Variants in PCLO observed in about 807,000 individuals in gnomAD.
PCLO encodes piccolo presynaptic cytomatrix protein.
Under a neutral mutation model 427.5 loss-of-function variants are expected in PCLO, and 82 were observed. The ratio of observed to expected loss-of-function variants is 0.19; its 90% confidence interval spans 0.16 to 0.23. The LOEUF (loss-of-function observed/expected upper bound fraction) is 0.23. PCLO is among the 10% of genes least tolerant of loss of function. The pLI, the probability that PCLO is intolerant of heterozygous loss-of-function variation, is 1.00. For missense variants in PCLO, 6,239 were observed against 6,115.9 expected (o/e 1.02, Z -0.67); for synonymous variants, 2,357 against 2,155.4 (o/e 1.09, Z -2.59).
At chr7:82,834,211 T>C (rs886619145) in intron 16 of PCLO, among the ~76,000 whole-genome samples, 1 of 152,156 alleles carries the variant, frequency 6.6e-6, no homozygotes, top group Non-Finnish European at 1.5e-5. Flanking sequence ...AGTTTCTATA[T>C]ATAAAAGATA....
At chr7:82,879,566 A>C in intron 9 of PCLO, 104 bp from the exon 10 acceptor site, 2 of 736,418 alleles carry the variant, frequency 2.7e-6, no homozygotes, top group South Asian at 4.1e-5. Context: ...CCAGAAGCTA[A>C]ATATAACATG....
chr7:83,094,929 T>C (rs1054990028), intron 3 of PCLO, among the ~76,000 whole-genome samples: 1 of 152,216 alleles, frequency 6.6e-6, no homozygotes, highest in African/African-American at 2.4e-5. Flanking sequence ...AATTTTCTTA[T>C]ATTTGTACCG....
intron 10 of PCLO, among the ~76,000 whole-genome samples, chr7:82,877,513 AG>A (rs763808639): frequency 1.3e-5 from 2 of 152,110 alleles, no homozygotes; most frequent in African/African-American, 2.4e-5. Flanking sequence ...TGGGCGTGAA[AG>A]GGTTATAGTC....
In PCLO at chr7:82,952,730, A is replaced by G. The variant is rs781356495; in HGVS notation, c.8223T>C (p.Thr2741=). 4 of 1,613,674 alleles carry G rather than the reference A, an allele frequency of 2.5e-6. No homozygotes were observed. The South Asian group carries it at 3.3e-5, about 13-fold the overall frequency. Residue 2741 remains threonine (T), a synonymous_variant, in exon 5 of 25, where the codon ACT becomes ACC. Transcript: ENST00000333891. ...RTVPKVEVKT[T]DKCIDLSAST... ...AAGCAGAAAGATCAATACATTTATCAGTTGTTTTAACTTCTACCTTTGGTA... is the reference window on the plus strand; with the variant it reads ...AAGCAGAAAGATCAATACATTTATCGGTTGTTTTAACTTCTACCTTTGGTA...
At chr7:83,059,357 A>AAT (rs752009069) in intron 3 of PCLO, among the ~76,000 whole-genome samples, 2,299 of 111,772 alleles carry the variant, frequency 0.021, 61 homozygotes, top group East Asian at 0.057. Flanking sequence ...ACACCTTTAA[A>AAT]ATATATATAT....
intron 3 of PCLO, among the ~76,000 whole-genome samples, chr7:82,980,629 T>A (rs1475741140): frequency 6.6e-6 from 1 of 152,158 alleles, no homozygotes; most frequent in East Asian, 1.9e-4. Context: ...CCATTTAGCA[T>A]GGAACTTCCT....
chr7:82,844,603 G>A (rs1792452214), intron 13 of PCLO, among the ~76,000 whole-genome samples: 1 of 151,994 alleles, frequency 6.6e-6, no homozygotes, highest in South Asian at 2.1e-4. Flanking sequence ...TTTTTCGCAT[G>A]TATTTATCAA....
chr7:82,785,983 G>C (rs1790976202), intron 22 of PCLO, among the ~76,000 whole-genome samples: 1 of 152,126 alleles, frequency 6.6e-6, no homozygotes, highest in African/African-American at 2.4e-5. Context: ...ATGCTAGAGA[G>C]TGACAAAGTC....
At chr7:82,826,750 C>A in intron 17 of PCLO, 90 bp from the exon 18 acceptor site, 1 of 662,734 alleles carries the variant, frequency 1.5e-6, no homozygotes, top group Non-Finnish European at 2.4e-6. Context: ...TATTTTTTTC[C>A]TTAAACTCCT....
chr7:82,805,354 G>C (rs568850472), intron 21 of PCLO, among the ~76,000 whole-genome samples: 2 of 152,232 alleles, frequency 1.3e-5, no homozygotes, highest in South Asian at 4.1e-4. Context: ...TCAAATACCA[G>C]TAATGTTTGT....
intron 2 of PCLO, among the ~76,000 whole-genome samples, chr7:83,152,663 A>G (rs993859952): frequency 1.3e-5 from 2 of 152,128 alleles, no homozygotes; most frequent in Admixed American, 6.5e-5. Flanking sequence ...TTCATGTCCT[A>G]TATCTATTGA....
chr7:82,917,889 T>C (rs1169434611), intron 6 of PCLO, among the ~76,000 whole-genome samples: 1 of 151,998 alleles, frequency 6.6e-6, no homozygotes, highest in African/African-American at 2.4e-5. Flanking sequence ...CCTTATTAAT[T>C]AGATCACATT....
chr7:83,000,269 G>T (rs1411741690), intron 3 of PCLO, among the ~76,000 whole-genome samples: 1 of 6,298 alleles, frequency 1.6e-4, no homozygotes, highest in Non-Finnish European at 2.3e-4. Context: ...TCAAAGTGTT[G>T]AGAGAGAGAG....
At chr7:82,981,876 T>C (rs1335160052) in intron 3 of PCLO, among the ~76,000 whole-genome samples, 1 of 152,012 alleles carries the variant, frequency 6.6e-6, no homozygotes, top group Admixed American at 6.6e-5. Context: ...GTAGGTGTCA[T>C]TTTTTTTCCT....
intron 3 of PCLO, among the ~76,000 whole-genome samples, chr7:83,017,179 A>T (rs1480350945): frequency 6.6e-6 from 1 of 152,136 alleles, no homozygotes; most frequent in East Asian, 1.9e-4. Context: ...CTTTAGATGA[A>T]TTAGCAGTAG....
intron 2 of PCLO, among the ~76,000 whole-genome samples, chr7:83,145,496 T>C (rs1219383078): frequency 1.3e-5 from 2 of 152,184 alleles, no homozygotes; most frequent in Non-Finnish European, 2.9e-5. Context: ...TGTGATCTCC[T>C]ATAAAAAGGT....
chr7:83,000,817 T>A (rs1387406451), intron 3 of PCLO, among the ~76,000 whole-genome samples: 2 of 152,176 alleles, frequency 1.3e-5, no homozygotes, highest in Admixed American at 6.6e-5. Flanking sequence ...CAAAAAGGAA[T>A]AAGTGAAGTA....
intron 3 of PCLO, among the ~76,000 whole-genome samples, chr7:82,989,162 A>C (rs7802815): frequency 0.75 from 114,322 of 152,008 alleles, 43,557 homozygotes; most frequent in East Asian, 0.92. Context: ...GATCTTTCTA[A>C]AGGAAAAAAA....
chr7:83,109,258 T>G (rs1404669495), intron 3 of PCLO, among the ~76,000 whole-genome samples: 2 of 152,178 alleles, frequency 1.3e-5, no homozygotes, highest in African/African-American at 4.8e-5. Flanking sequence ...CTGTTTTCAT[T>G]CTACAACCTG....
Sources: allele counts gnomAD v4.1 joint callset (sites outside exome capture counted in the v4.1 genomes callset), GRCh38; gene constraint gnomAD v4.1.1; transcripts MANE v1.5; gene names NCBI Gene and HGNC (gene_info 2026-07-23, HGNC 2026-07-21).